The following CRTAC1 variants were observed in gnomAD, a reference collection of about 807,000 sequenced individuals.
CRTAC1 encodes acidic secreted protein in cartilage.
In CRTAC1, 37 loss-of-function variants were observed where a neutral mutation model predicts 67.8. That is an observed-to-expected ratio of 0.55 (90% CI 0.42 to 0.72). CRTAC1 has a LOEUF of 0.72. Among genes scored for constraint, CRTAC1 ranks in the 30% least tolerant of loss-of-function variants. The probability of loss-of-function intolerance (pLI) is 0.00; values close to 1 mark genes in which losing one functional copy is unlikely to be tolerated. For missense variants in CRTAC1, 780 were observed against 931.6 expected (o/e 0.84, Z 2.12); for synonymous variants, 348 against 371.0 (o/e 0.94, Z 0.71).
At chr10:97,874,611 G>A (rs2050126378) in intron 14 of CRTAC1, among the ~76,000 whole-genome samples, 1 of 152,132 alleles carries the variant, frequency 6.6e-6, no homozygotes, top group South Asian at 2.1e-4. Context: ...GAACGGGCCC[G>A]GGGCTCCATC....
At chr10:97,931,586 G>A (rs2051004762) in intron 3 of CRTAC1, among the ~76,000 whole-genome samples, 1 of 152,258 alleles carries the variant, frequency 6.6e-6, no homozygotes, top group African/African-American at 2.4e-5. Flanking sequence ...GTGGAACCAT[G>A]AGTTGGGCAT....
intron 2 of CRTAC1, among the ~76,000 whole-genome samples, chr10:97,950,242 C>CAGAGAGAG (rs1160076016): frequency 0.01 from 1,199 of 117,410 alleles, 16 homozygotes; most frequent in Non-Finnish European, 0.016. Flanking sequence ...TGCACACACA[C>CAGAGAGAG]ACACAGAGAG....
chr10:98,024,930 A>C (rs1279909335), intron 1 of CRTAC1, among the ~76,000 whole-genome samples: 1 of 151,660 alleles, frequency 6.6e-6, no homozygotes, highest in Non-Finnish European at 1.5e-5. Flanking sequence ...TAATAATAGA[A>C]ATATTAATAT....
intron 2 of CRTAC1, among the ~76,000 whole-genome samples, chr10:97,982,839 G>T (rs1227920874): frequency 6.6e-6 from 1 of 152,194 alleles, no homozygotes; most frequent in African/African-American, 2.4e-5. Flanking sequence ...ACTAAGAATT[G>T]AAGAAAGTGG....
rs1408554637 is a variant in CRTAC1, at chr10:97,890,001, A to T, written c.1486+5244T>A. The stretch of plus-strand genomic sequence containing the variant: ...GAGGGGACTGGGTAAATAGATGATG[A>T]GTGTGAGTGCTGTCTCACAGTGAAA... On this transcript the variant is annotated intron_variant, in intron 11 of 14. Coordinates refer to ENST00000370597, the MANE Select transcript of CRTAC1 (RefSeq NM_018058.7). 3.9e-5 allele frequency among the ~76,000 whole-genome samples: 6 copies of T among 152,216 alleles called. No individual in the cohort carries two copies. The Middle Eastern group carries it at 0.01, about 259-fold the overall frequency.
chr10:97,916,994 C>T (rs965540185), intron 5 of CRTAC1, among the ~76,000 whole-genome samples: 1 of 152,166 alleles, frequency 6.6e-6, no homozygotes, highest in African/African-American at 2.4e-5. Context: ...AACAAGAACT[C>T]AATTCTTTGA....
intron 2 of CRTAC1, among the ~76,000 whole-genome samples, chr10:97,948,954 T>C (rs2051307412): frequency 6.6e-6 from 1 of 152,124 alleles, no homozygotes; most frequent in African/African-American, 2.4e-5. Context: ...TCACTCGCTA[T>C]CATAAAGACA....
Position 97,895,437 on chromosome 10 carries a change from C to T in CRTAC1, c.1318-24G>A, listed in dbSNP as rs116590521. 1.2e-3 allele frequency: 1,808 copies of T among 1,564,806 alleles called. 12 individuals carry two copies. The African/African-American group carries it at 0.018, about 16-fold the overall frequency. On this transcript the variant is annotated intron_variant, in intron 10 of 14. Coordinates refer to ENST00000370597, the MANE Select transcript of CRTAC1 (RefSeq NM_018058.7). This position sits in a 1 kb window ranked among gnomAD's most constrained non-coding sequence, Gnocchi z 4.2. ...CCCTGCAGAGAGGGTGAGAGGCAGA[C>T]ACCCGGTGGGCATCAGCATGGTGGG...
At chr10:97,929,390 G>A (rs1319671396) in intron 3 of CRTAC1, among the ~76,000 whole-genome samples, 1 of 152,146 alleles carries the variant, frequency 6.6e-6, no homozygotes, top group Non-Finnish European at 1.5e-5. Context: ...GGAGCATGAG[G>A]TTGTGTCATA....
Position 98,018,231 on chromosome 10 carries a change from AAG to A in CRTAC1, c.25-6896_25-6895del, listed in dbSNP as rs751415654. Among the ~76,000 whole-genome samples, 249 of 142,102 alleles carry A rather than the reference AAG, an allele frequency of 1.8e-3. 1 individual carries two copies. Among genetic ancestry groups the A allele is most frequent in the African/African-American group, 5.1e-3 (183 of 35,612 alleles). The allele number at this position is 142,102 out of a possible 152,430, so 93.2% of individuals were successfully genotyped here. A position where few individuals can be genotyped will look rare whatever the true frequency, so the allele number is the denominator to read the frequency against. On this transcript the variant is annotated intron_variant, in intron 1 of 14. Transcript: ENST00000370597. Reference sequence around the variant, plus strand: ...AAAAAAAAAAAAAAAAAAAAAAAAAAAGAGAGAGAGAGAGAGACCAACATTGG... The same window carrying A: ...AAAAAAAAAAAAAAAAAAAAAAAAAAAGAGAGAGAGAGAGACCAACATTGG...
chr10:97,996,874 C>T (rs1842583162), intron 2 of CRTAC1, among the ~76,000 whole-genome samples: 1 of 151,978 alleles, frequency 6.6e-6, no homozygotes, highest in Non-Finnish European at 1.5e-5. Flanking sequence ...GAAAATATGG[C>T]ACATATACAC....
intron 2 of CRTAC1, among the ~76,000 whole-genome samples, chr10:98,009,453 T>A (rs1266436592): frequency 3.9e-5 from 6 of 152,188 alleles, no homozygotes; most frequent in African/African-American, 7.2e-5. Context: ...AACTGTACTT[T>A]ACAAACAATC....
intron 3 of CRTAC1, among the ~76,000 whole-genome samples, chr10:97,935,228 T>C (rs1360030792): frequency 1.3e-5 from 2 of 152,320 alleles, no homozygotes; most frequent in South Asian, 2.1e-4. Context: ...GTTTCCTCAA[T>C]TGTACAGTGG....
At chr10:97,923,187 G>A in intron 4 of CRTAC1, 77 bp downstream of exon 4, 2 of 1,560,194 alleles carry the variant, frequency 1.3e-6, no homozygotes, top group Non-Finnish European at 1.8e-6. Flanking sequence ...CACTCTGTCA[G>A]GGGACGTCTA....
intron 2 of CRTAC1, among the ~76,000 whole-genome samples, chr10:97,983,288 A>G (rs2051927911): frequency 6.8e-6 from 1 of 148,004 alleles, no homozygotes; most frequent in South Asian, 2.1e-4. Context: ...GAGCACCTAC[A>G]CTGTGCTTAC....
rs2050543667 is a variant in CRTAC1, at chr10:97,901,639, C to T, written c.997G>A (p.Asp333Asn). The change falls in exon 8 of 15, where the codon GAC becomes AAC. Residue 333 changes from aspartate (D) to asparagine (N), a missense_variant and splice_region_variant. Physicochemically the swap from Asp to Asn is conservative, Grantham distance 23 (BLOSUM62 1). Transcript: ENST00000370597. ...MSTHGKVRFR[D>N]IASPKFSMPS... ...ATGGAGAACTTGGGTGAGGCGATGT[C>T]CTGGAGGAAACAAGGCTGGGGGTCA... The T allele has an allele frequency of 4.3e-6, 7 of 1,614,046 alleles. No individual in the cohort carries two copies. Among genetic ancestry groups the T allele is most frequent in the Non-Finnish European group, 5.9e-6 (7 of 1,179,968 alleles).
intron 11 of CRTAC1, among the ~76,000 whole-genome samples, chr10:97,891,132 G>A (rs2136550690): frequency 6.6e-6 from 1 of 152,322 alleles, no homozygotes; most frequent in Non-Finnish European, 1.5e-5. Context: ...TAAATATGTA[G>A]TCACTAAATG....
chr10:97,999,084 G>A (rs938378144), intron 2 of CRTAC1, among the ~76,000 whole-genome samples: 5 of 152,212 alleles, frequency 3.3e-5, no homozygotes, highest in African/African-American at 1.2e-4. Flanking sequence ...GCAGCAGGGA[G>A]GTGCAGCTGC....
chr10:98,021,485 C>T (rs771630363), intron 1 of CRTAC1, among the ~76,000 whole-genome samples: 1 of 152,116 alleles, frequency 6.6e-6, no homozygotes, highest in Non-Finnish European at 1.5e-5. Flanking sequence ...AATCTCCTAG[C>T]CTTATGCAGA....
Sources: gnomAD v4.1 joint callset for allele counts (sites outside exome capture counted in the v4.1 genomes callset) on GRCh38, gnomAD v4.1.1 for gene constraint, Gnocchi (gnomAD v3.1) non-coding constraint, MANE v1.5 for transcripts, NCBI Gene and HGNC (gene_info 2026-07-23, HGNC 2026-07-21) for gene names.